Variants in MYL2 observed in about 807,000 individuals in gnomAD.
The protein encoded by MYL2 is myosin light chain 2.
A neutral mutation model predicts 23.0 loss-of-function variants in MYL2; 19 were observed. The observed-to-expected ratio is 0.83, with a 90% CI of 0.58 to 1.21. The LOEUF (loss-of-function observed/expected upper bound fraction) is 1.21. Ranked by LOEUF, MYL2 falls within the 50% of genes most tolerant of loss-of-function variation. The pLI is 0.00. For synonymous variants in MYL2, 78 were observed against 76.2 expected, an observed-to-expected ratio of 1.02 and a Z score of -0.13; for missense variants, 180 against 215.1, an observed-to-expected ratio of 0.84 and a Z score of 1.02.
intron 1 of MYL2, among the ~76,000 whole-genome samples, 181 bp downstream of exon 1, chr12:110,920,346 G>C (rs2071713410): frequency 6.6e-6 from 1 of 152,036 alleles, no homozygotes; most frequent in Non-Finnish European, 1.5e-5. Context: ...GCTGTTATTT[G>C]TGGCCTATCG....
At chr12:110,914,334 A>G (rs753116466) in intron 3 of MYL2, 44 bp from the exon 4 acceptor site, 5 of 1,413,160 alleles carry the variant, frequency 3.5e-6, no homozygotes, top group Non-Finnish European at 5.0e-6. Flanking sequence ...GCTGGGGAGA[A>G]AGAACCATTA....
In MYL2 at chr12:110,914,345, T is replaced by C. The variant is rs753390961; in HGVS notation, c.170-55A>G. The C allele has an allele frequency of 2.4e-6, 3 of 1,257,368 alleles. No homozygotes were observed. In the Admixed American group the frequency reaches 5.1e-5, roughly 21 times the overall value. 77.9% of individuals were successfully genotyped at this position (1,257,368 alleles called of 1,614,324 possible). A position where few individuals can be genotyped will look rare whatever the true frequency, so the allele number is the denominator to read the frequency against. On this transcript the variant is annotated intron_variant, in intron 3 of 6. Coordinates refer to ENST00000228841, the MANE Select transcript of MYL2 (RefSeq NM_000432.4). ...CCGAGCTGGGGAGAAAGAACCATTA[T>C]GACACTGCCATTGGCTCCTGGGATT...
At position 110,911,295 on chromosome 12, in the gene MYL2, G is replaced by T. The variant is rs931685743; in HGVS notation, c.403-120C>A. 1.1e-4 allele frequency: 77 copies of T among 697,138 alleles called. 1 individual carries two copies. The South Asian group carries it at 1.3e-3, about 11-fold the overall frequency. 43.2% of individuals were successfully genotyped at this position (697,138 alleles called of 1,614,324 possible). On this transcript the variant is annotated intron_variant, in intron 6 of 6. Coordinates refer to ENST00000228841, the MANE Select transcript of MYL2 (RefSeq NM_000432.4). ...TGGGGGGTGGGGGATGGGAACATGG[G>T]CCACTCAGAGGGTCCTCCGGGGAAG...
intron 1 of MYL2, among the ~76,000 whole-genome samples, chr12:110,919,475 T>C (rs2071706824): frequency 1.3e-5 from 2 of 152,194 alleles, no homozygotes; most frequent in Admixed American, 6.5e-5. Flanking sequence ...GGTGTGTCCC[T>C]GGGGATGGAG....
intron 1 of MYL2, 129 bp from the exon 2 acceptor site, chr12:110,919,322 C>T (rs911262625): frequency 1.3e-5 from 9 of 708,156 alleles, no homozygotes; most frequent in Non-Finnish European, 2.2e-5. Context: ...GTGGGTACAG[C>T]ATCCACACTC....
Position 110,913,195 on chromosome 12 carries a change from G to A in MYL2, c.353+51C>T, listed in dbSNP as rs2233260. ...GGTGTCAGTTGTGTGTGTGTAGGGG[G>A]GACAGGGGGCAAGCAGGGAACCCCC... On this transcript the variant is annotated intron_variant, in intron 5 of 6. Coordinates refer to ENST00000228841, the MANE Select transcript of MYL2 (RefSeq NM_000432.4). 0.23 allele frequency: 370,651 copies of A among 1,613,166 alleles called. 45,790 individuals are homozygous for A. Among genetic ancestry groups the A allele is most frequent in the Admixed American group, 0.31 (18,665 of 60,000 alleles).
intron 3 of MYL2, among the ~76,000 whole-genome samples, chr12:110,914,510 G>A (rs1254028011): frequency 1.3e-5 from 2 of 152,086 alleles, no homozygotes; most frequent in African/African-American, 2.4e-5. Context: ...ATGTGGGAAG[G>A]TGTTCGTTAT....
In MYL2 at chr12:110,913,341, G is replaced by A. The variant is rs2071667483; in HGVS notation, c.275-17C>T. 6.2e-7 allele frequency: 1 copy of A among 1,614,018 alleles called. No individual in the cohort carries two copies. Among genetic ancestry groups the A allele is most frequent in the Admixed American group, 1.7e-5 (1 of 60,010 alleles). On this transcript the variant is annotated splice_polypyrimidine_tract_variant and intron_variant, in intron 4 of 6. Transcript: ENST00000228841. ...GGTCCGCTCCTGAAACGGAACACAG[G>A]GCTTACATGTACTGGGGGTGGCTGG...
chr12:110,913,433 G>T, intron 4 of MYL2, 109 bp from the exon 5 acceptor site: 1 of 1,121,560 alleles, frequency 8.9e-7, no homozygotes, highest in Non-Finnish European at 1.4e-6. Flanking sequence ...GAGCAAGGCT[G>T]CTTTGCATGG....
chr12:110,915,733 C>T lies in MYL2; in HGVS notation c.151G>A (p.Asp51Asn). ...GACATACCAAGGGCAGCAAAGGTGT[C>T]TCTCAGATCGTTCTTGTCAATGAAG... ...DGFIDKNDLRDTFAALGRVNV... is the reference protein window; with the variant it reads ...DGFIDKNDLRNTFAALGRVNV... The change falls in exon 3 of 7, where the codon GAC (aspartate) becomes AAC (asparagine). Residue 51 changes from aspartate (D) to asparagine (N), a missense_variant. Asp to Asn is a conservative substitution (Grantham distance 23, BLOSUM62 1). Transcript: ENST00000228841. The T allele has an allele frequency of 6.2e-7, 1 of 1,614,140 alleles. No homozygotes were observed. Among genetic ancestry groups the T allele is most frequent in the Non-Finnish European group, 8.5e-7 (1 of 1,179,998 alleles).
intron 2 of MYL2, among the ~76,000 whole-genome samples, chr12:110,916,534 C>A (rs2071688776): frequency 6.6e-6 from 1 of 152,080 alleles, no homozygotes. Context: ...CATGGATGAG[C>A]CTTAAAACAT....
Position 110,918,798 on chromosome 12 carries a change from A to G in MYL2, c.93+306T>C, listed in dbSNP as rs2071701920. The G allele has an allele frequency of 2.7e-6, 1 of 371,988 alleles. No homozygotes were observed. The highest frequency in any genetic ancestry group is 4.0e-5 in the Admixed American group (1 of 25,284). 23.0% of individuals were successfully genotyped at this position (371,988 alleles called of 1,614,324 possible). On this transcript the variant is annotated intron_variant, in intron 2 of 6. Transcript: ENST00000228841. The surrounding 1 kb of genome is among the most constrained non-coding windows in gnomAD (Gnocchi z 4.4). ...AACAAAAATGGTTTGAAGGGTATAT[A>G]CTAAAATGTGAACTGATTATCTCTG...
rs11538904 is a variant in MYL2 at position 110,920,533 on chromosome 12, G to A, written c.-4C>T. 1 of 1,614,132 alleles carries A rather than the reference G, an allele frequency of 6.2e-7. No individual in the cohort carries two copies. The highest frequency in any genetic ancestry group is 8.5e-7 in the Non-Finnish European group (1 of 1,180,022). ...CTGGAGCCCTTGTACTCACCATGGT[G>A]GAAAGGACCCAGCACTGCCTCCCGA... On this transcript the variant is annotated 5_prime_UTR_variant, in exon 1 of 7. Coordinates refer to ENST00000228841, the MANE Select transcript of MYL2 (RefSeq NM_000432.4).
chr12:110,920,694 A>G, upstream of MYL2: 1 of 968,026 alleles, frequency 1.0e-6, no homozygotes, highest in Middle Eastern at 2.4e-4. Flanking sequence ...CCCCCACCCC[A>G]TGCCGTTCTT....
chr12:110,916,218 C>G (rs2071686983), intron 2 of MYL2, among the ~76,000 whole-genome samples: 1 of 152,308 alleles, frequency 6.6e-6, no homozygotes, highest in Admixed American at 6.5e-5. Context: ...TGCCTGTAAT[C>G]CTAGCTACTT....
intron 2 of MYL2, among the ~76,000 whole-genome samples, chr12:110,916,191 C>T (rs2071686773): frequency 6.6e-6 from 1 of 152,162 alleles, no homozygotes; most frequent in Admixed American, 6.5e-5. Context: ...CAAAAATTAG[C>T]CAGGCGTGGT....
At chr12:110,914,564 G>C (rs1425706174) in intron 3 of MYL2, among the ~76,000 whole-genome samples, 1 of 152,172 alleles carries the variant, frequency 6.6e-6, no homozygotes, top group Admixed American at 6.5e-5. Flanking sequence ...TGTCACCCAG[G>C]CTGGAGTGTA....
intron 4 of MYL2, 68 bp from the exon 5 acceptor site, chr12:110,913,392 G>A: frequency 1.9e-6 from 3 of 1,542,364 alleles, no homozygotes; most frequent in East Asian, 2.2e-5. Context: ...CAGGCAGCAG[G>A]GCCCAAGTTC....
rs763332557 is a variant in MYL2 at position 110,911,181 on chromosome 12, A to G, written c.403-6T>C. Reference sequence around the variant, plus strand: ...GCGGCGAACATCTGGTCAACCTGCAATGAGCCAGCAACACGTGCTAAGGAC... The same window carrying G: ...GCGGCGAACATCTGGTCAACCTGCAGTGAGCCAGCAACACGTGCTAAGGAC... On this transcript the variant is annotated splice_polypyrimidine_tract_variant and splice_region_variant and intron_variant, in intron 6 of 6. Transcript: ENST00000228841. 4.9e-6 allele frequency: 7 copies of G among 1,431,808 alleles called. No individual in the cohort carries two copies. In the South Asian group the frequency reaches 5.6e-5, roughly 12 times the overall value. 88.7% of individuals were successfully genotyped at this position (1,431,808 alleles called of 1,614,324 possible). A position where few individuals can be genotyped will look rare whatever the true frequency, so the allele number is the denominator to read the frequency against.
Sources: gnomAD v4.1 joint callset for allele counts (sites outside exome capture counted in the v4.1 genomes callset) on GRCh38, gnomAD v4.1.1 for gene constraint, Gnocchi (gnomAD v3.1) non-coding constraint, MANE v1.5 for transcripts, NCBI Gene and HGNC (gene_info 2026-07-23, HGNC 2026-07-21) for gene names.